The following KATNIP variants were observed in gnomAD, a reference collection of about 807,000 sequenced individuals.
The protein encoded by KATNIP is katanin-interacting protein.
KATNIP carries 126 observed loss-of-function variants against 174.0 expected under a neutral mutation model. That is an observed-to-expected ratio of 0.72 (90% CI 0.63 to 0.84). The LOEUF is 0.84. Among genes scored for constraint, KATNIP ranks in the 40% least tolerant of loss-of-function variants. KATNIP has a pLI of 0.00. For missense variants in KATNIP, 1,958 were observed against 2,109.7 expected (o/e 0.93, Z 1.41); for synonymous variants, 810 against 835.7 (o/e 0.97, Z 0.53).
intron 1 of KATNIP, among the ~76,000 whole-genome samples, chr16:27,569,809 G>C (rs189464214): frequency 6.6e-6 from 1 of 152,174 alleles, no homozygotes; most frequent in African/African-American, 2.4e-5. Flanking sequence ...AATTATCTTC[G>C]TTGGAAAATA....
At chr16:27,639,985 C>T (rs963273713) in intron 5 of KATNIP, among the ~76,000 whole-genome samples, 10 of 152,230 alleles carry the variant, frequency 6.6e-5, no homozygotes, top group Non-Finnish European at 2.9e-5. Flanking sequence ...GCACAACCCA[C>T]ACAACCATAT....
In KATNIP at chr16:27,631,124, A is replaced by G. The variant is rs758561017; in HGVS notation, c.370A>G (p.Thr124Ala). Residue 124 changes from threonine (T) to alanine (A), a missense_variant, in exon 5 of 28, where the codon ACA (threonine) becomes GCA (alanine). Thr to Ala is a moderately conservative substitution (Grantham distance 58). Around this residue, in one of 3 missense-constraint regions of KATNIP, gnomAD observed 1,557 missense variants for 1,617.8 expected, o/e 0.96. Coordinates refer to ENST00000261588, the MANE Select transcript of KATNIP (RefSeq NM_015202.5). The part of the protein sequence containing the change: ...AEEALRRSSR[T>A]APSKVQRRGW... ...AGAAGCCTTAAGACGCAGTTCACGG[A>G]CAGCCCCCAGTAAAGTCCAGCGCCG... 6.3e-7 allele frequency: 1 copy of G among 1,577,072 alleles called. No homozygotes were observed. The highest frequency in any genetic ancestry group is 1.8e-5 in the Admixed American group (1 of 54,842).
At chr16:27,595,308 G>A (rs1201758967) in intron 2 of KATNIP, among the ~76,000 whole-genome samples, 2 of 152,092 alleles carry the variant, frequency 1.3e-5, no homozygotes, top group African/African-American at 4.8e-5. Context: ...GATCACTTGA[G>A]CCTGGGAAGT....
chr16:27,700,875 G>A (rs1241921993), intron 10 of KATNIP, among the ~76,000 whole-genome samples: 6 of 152,150 alleles, frequency 3.9e-5, no homozygotes, highest in East Asian at 1.9e-4. Context: ...CATCATCCTC[G>A]TCTGCCACTA....
At chr16:27,709,383 A>AG in intron 13 of KATNIP, among the ~76,000 whole-genome samples, 2 of 151,264 alleles carry the variant, frequency 1.3e-5, no homozygotes, top group South Asian at 4.2e-4. Flanking sequence ...GCACTTTGAG[A>AG]GGCCGAGGCG....
intron 15 of KATNIP, among the ~76,000 whole-genome samples, chr16:27,741,765 T>A (rs939788607): frequency 1.3e-5 from 2 of 152,002 alleles, no homozygotes; most frequent in Non-Finnish European, 2.9e-5. Context: ...TAGCCAGGCA[T>A]GTGGTGCGTT....
At chr16:27,778,234 A>G (rs565210285) in intron 27 of KATNIP, among the ~76,000 whole-genome samples, 12 of 152,364 alleles carry the variant, frequency 7.9e-5, no homozygotes, top group African/African-American at 2.6e-4. Flanking sequence ...GGAAGCAGTC[A>G]GGGACAGAGC....
chr16:27,687,542 A>G (rs2078567863), intron 8 of KATNIP: 2 of 152,114 alleles, frequency 1.3e-5, no homozygotes, highest in Non-Finnish European at 2.9e-5. Context: ...ATTCCTTTCT[A>G]TCACTGCAAC....
At chr16:27,616,745 A>C (rs2142050317) in intron 2 of KATNIP, among the ~76,000 whole-genome samples, 1 of 151,468 alleles carries the variant, frequency 6.6e-6, no homozygotes, top group African/African-American at 2.4e-5. Context: ...AATAAAAAAT[A>C]AAAGAAATAA....
chr16:27,556,549 T>C (rs1158348444), intron 1 of KATNIP, among the ~76,000 whole-genome samples: 1 of 152,212 alleles, frequency 6.6e-6, no homozygotes, highest in Non-Finnish European at 1.5e-5. Flanking sequence ...AACATTTCCC[T>C]TGTTTATACT....
At position 27,740,517 on chromosome 16, in the gene KATNIP, G is replaced by A. The variant is rs771421430; in HGVS notation, c.2220G>A (p.Met740Ile). ...PSLIQQLENL[M>I]GRKICEPPGK... is the part of the protein sequence containing the mutation. ...TCATCCAACAACTGGAAAACCTCATGGGCAGAAAAATCTGTGAGCCACCCG... is the reference window on the plus strand; with the variant it reads ...TCATCCAACAACTGGAAAACCTCATAGGCAGAAAAATCTGTGAGCCACCCG... Residue 740 changes from methionine to isoleucine, a missense_variant, in exon 15 of 28, where the codon ATG becomes ATA. Physicochemically the swap from Met to Ile is conservative, Grantham distance 10 (BLOSUM62 1). Around this residue, in one of 3 missense-constraint regions of KATNIP, gnomAD observed 1,557 missense variants for 1,617.8 expected, o/e 0.96. Transcript: ENST00000261588. 22 of 1,614,144 alleles carry A rather than the reference G, an allele frequency of 1.4e-5. No homozygotes were observed. The highest frequency in any genetic ancestry group is 1.9e-5 in the Non-Finnish European group (22 of 1,180,014).
intron 2 of KATNIP, among the ~76,000 whole-genome samples, chr16:27,580,475 G>C (rs2090654936): frequency 6.6e-6 from 1 of 152,236 alleles, no homozygotes; most frequent in Admixed American, 6.5e-5. Flanking sequence ...CCACAGGCCA[G>C]TGAGAGAGTC....
intron 3 of KATNIP, among the ~76,000 whole-genome samples, chr16:27,626,355 G>A (rs1451351722): frequency 2.0e-5 from 3 of 152,148 alleles, no homozygotes; most frequent in African/African-American, 7.2e-5. Flanking sequence ...CTTGCCCAGA[G>A]TTCATATGCT....
At position 27,677,992 on chromosome 16, in the gene KATNIP, C is replaced by T; in HGVS notation, c.804C>T (p.Ser268=). The change falls in exon 7 of 28, where the codon TCC becomes TCT. Residue 268 remains serine, a synonymous_variant. Coordinates refer to ENST00000261588, the MANE Select transcript of KATNIP (RefSeq NM_015202.5). ...TLVVLEFNPA[S]KSHKRERNLS... ...TGGTGCTGGAATTTAACCCAGCTTC[C>T]AAAAGTGAGCTCTGTCTTGTATATC... is the stretch of plus-strand genomic sequence containing the variant. 6.2e-7 allele frequency: 1 copy of T among 1,613,676 alleles called. No homozygotes were observed. The highest frequency in any genetic ancestry group is 8.5e-7 in the Non-Finnish European group (1 of 1,179,602).
intron 13 of KATNIP, among the ~76,000 whole-genome samples, chr16:27,714,327 A>G (rs1170611844): frequency 1.3e-5 from 2 of 152,168 alleles, no homozygotes; most frequent in African/African-American, 4.8e-5. Context: ...TCCTGTTTAC[A>G]CTATATCCCC....
chr16:27,773,727 T>C lies in KATNIP; in HGVS notation c.4309+518T>C, dbSNP rs529949217. Among the ~76,000 whole-genome samples, 435 of 152,282 alleles carry C rather than the reference T, an allele frequency of 2.9e-3. 3 individuals carry two copies. Among genetic ancestry groups the C allele is most frequent in the Middle Eastern group, 0.01 (3 of 294 alleles). ...CTGATCTCTGGTTTCCCCTGAGAAA[T>C]TGGCAACACAGGCCCTTGATTATGC... On this transcript the variant is annotated intron_variant, in intron 23 of 27. Coordinates refer to ENST00000261588, the MANE Select transcript of KATNIP (RefSeq NM_015202.5).
chr16:27,554,665 T>A (rs2089534966), intron 1 of KATNIP, among the ~76,000 whole-genome samples: 1 of 152,054 alleles, frequency 6.6e-6, no homozygotes, highest in Admixed American at 6.6e-5. Context: ...AGTAGAGGGG[T>A]ATGTTCATTT....
intron 21 of KATNIP, among the ~76,000 whole-genome samples, chr16:27,770,486 C>T (rs1471246684): frequency 1.3e-5 from 2 of 152,254 alleles, no homozygotes; most frequent in Non-Finnish European, 2.9e-5. Context: ...TAAGTTTACT[C>T]ATTGAAACCC....
intron 13 of KATNIP, among the ~76,000 whole-genome samples, chr16:27,713,793 T>G (rs1182209127): frequency 1.1e-5 from 1 of 91,596 alleles, no homozygotes; most frequent in African/African-American, 4.5e-5. Context: ...TATATATGTG[T>G]GTGTGTGTGT....
Sources: gnomAD v4.1 joint callset for allele counts (sites outside exome capture counted in the v4.1 genomes callset) on GRCh38, gnomAD v4.1.1 for gene constraint, gnomAD v4.1.1 regional missense constraint, MANE v1.5 for transcripts, NCBI Gene and HGNC (gene_info 2026-07-23, HGNC 2026-07-21) for gene names.